TET3: variants seen among roughly 807,000 people sequenced by gnomAD.
TET3 encodes methylcytosine dioxygenase TET3.
TET3 carries 19 observed loss-of-function variants against 141.4 expected under a neutral mutation model. The ratio of observed to expected loss-of-function variants is 0.13; its 90% CI spans 0.09 to 0.20. The LOEUF (loss-of-function observed/expected upper bound fraction) is 0.20. Ranked by LOEUF, TET3 falls within the 10% of genes least tolerant of loss-of-function variation. TET3 has a pLI of 1.00. For missense variants in TET3, 1,874 were observed against 2,356.9 expected, an observed-to-expected ratio of 0.80 and a Z score of 4.24; for synonymous variants, 1,043 against 980.9, an observed-to-expected ratio of 1.06 and a Z score of -1.18.
At position 73,986,270 on chromosome 2, in the gene TET3, C is replaced by A; in HGVS notation, c.-134C>A. On this transcript the variant is annotated 5_prime_UTR_variant, in exon 2 of 12. In the 5' UTR this introduces an upstream ATG that the reference lacks. Coordinates refer to ENST00000409262, the MANE Select transcript of TET3 (RefSeq NM_001287491.2). ...TGAGAAGAGGCATCCATCCACGAGACTGAAGCCACTTGCCTTCACCCTTGT... is the reference window on the plus strand; with the variant it reads ...TGAGAAGAGGCATCCATCCACGAGAATGAAGCCACTTGCCTTCACCCTTGT... The A allele has an allele frequency of 1.3e-6, 1 of 762,906 alleles. No homozygotes were observed. Among genetic ancestry groups the A allele is most frequent in the Non-Finnish European group, 1.8e-6 (1 of 560,392 alleles). 47.3% of individuals were successfully genotyped at this position (762,906 alleles called of 1,614,324 possible).
At chr2:73,985,821 C>T (rs1032062899) in intron 1 of TET3, among the ~76,000 whole-genome samples, 159 bp from the exon 2 acceptor site, 3 of 151,850 alleles carry the variant, frequency 2.0e-5, no homozygotes, top group Non-Finnish European at 4.4e-5. Context: ...AGACAGGGAG[C>T]GGGTGCTGGG....
At chr2:74,079,426 A>G (rs556469761) in intron 5 of TET3, among the ~76,000 whole-genome samples, 1 of 152,352 alleles carries the variant, frequency 6.6e-6, no homozygotes, top group African/African-American at 2.4e-5. Context: ...ATAGAAGGGA[A>G]TAGGTGGCAA....
At chr2:74,004,031 G>T (rs934206565) in intron 3 of TET3, among the ~76,000 whole-genome samples, 1 of 152,152 alleles carries the variant, frequency 6.6e-6, no homozygotes, top group African/African-American at 2.4e-5. Context: ...TTACTCAGCA[G>T]TATCCTCTGC....
chr2:74,119,772 T>C, the TET3 span, among the ~76,000 whole-genome samples: 2 of 152,272 alleles, frequency 1.3e-5, no homozygotes, highest in Non-Finnish European at 2.9e-5. Flanking sequence ...ATTTCCAATT[T>C]TATAATTCCT....
intron 6 of TET3, 22 bp downstream of exon 6, chr2:74,080,613 G>A: frequency 3.1e-6 from 5 of 1,587,698 alleles, no homozygotes; most frequent in Non-Finnish European, 4.3e-6. Context: ...GCCCACTCAA[G>A]AGCCACAGCT....
intron 3 of TET3, among the ~76,000 whole-genome samples, chr2:74,009,159 G>A (rs1167022003): frequency 1.3e-5 from 2 of 152,182 alleles, no homozygotes; most frequent in African/African-American, 4.8e-5. Flanking sequence ...CTAAGCAGAT[G>A]GAATTTACAG....
intron 2 of TET3, among the ~76,000 whole-genome samples, chr2:73,992,074 A>G (rs893435527): frequency 6.6e-6 from 1 of 152,112 alleles, no homozygotes; most frequent in Non-Finnish European, 1.5e-5. Context: ...GGCTGGTGGA[A>G]AATGCTGATA....
Position 74,002,743 on chromosome 2 carries a change from C to T in TET3, c.304-367C>T, listed in dbSNP as rs1458939008. ...TCTGCAGTGCCTCCCTCCGTGCGCT[C>T]CCTCCGGCGGGGATAATGGGAGGCC... On this transcript the variant is annotated intron_variant, in intron 2 of 11. Transcript: ENST00000409262. The T allele has an allele frequency of 7.6e-6, 4 of 527,094 alleles. No homozygotes were observed. In the South Asian group the frequency reaches 1.1e-4, roughly 14 times the overall value. The allele number at this position is 527,094 out of a possible 1,614,324, so 32.7% of individuals were successfully genotyped here.
chr2:73,999,818 G>A (rs1558698051), intron 2 of TET3, among the ~76,000 whole-genome samples: 1 of 152,206 alleles, frequency 6.6e-6, no homozygotes, highest in South Asian at 2.1e-4. Context: ...GCTGGAGGCA[G>A]AGTGGCCCTG....
rs765519472 is a variant in TET3 at position 74,074,856 on chromosome 2, TTTTTGTTTGTTTGTTTG to T, written c.2585+1230_2585+1246del. On this transcript the variant is annotated intron_variant, in intron 5 of 11. Transcript: ENST00000409262. ...CATTTTTTAGAACAAGCATTAGTGT[TTTTTGTTTGTTTGTTTG>T]TTTTGTTTGTTTTTTTTTGAGACGG... Among the ~76,000 whole-genome samples, 74 of 150,226 alleles carry T rather than the reference TTTTTGTTTGTTTGTTTG, an allele frequency of 4.9e-4. 1 individual carries two copies. Among genetic ancestry groups the T allele is most frequent in the Non-Finnish European group, 9.9e-4 (67 of 67,738 alleles).
chr2:74,079,096 C>T (rs1689663871), intron 5 of TET3, among the ~76,000 whole-genome samples: 2 of 152,214 alleles, frequency 1.3e-5, no homozygotes, highest in African/African-American at 2.4e-5. Context: ...CACCTGTAAT[C>T]CCAGCACTTC....
the TET3 span, among the ~76,000 whole-genome samples, chr2:74,117,392 TA>T: frequency 3.1e-3 from 467 of 152,106 alleles, 4 homozygotes; most frequent in African/African-American, 0.01. Flanking sequence ...TATTATTTTT[TA>T]AAGACAAGGT....
rs1292439534 is a variant in TET3, at chr2:74,106,195, G to A, written c.*4019G>A. 6.6e-6 allele frequency: 1 copy of A among 151,578 alleles called. No homozygotes were observed. The highest frequency in any genetic ancestry group is 1.5e-5 in the Non-Finnish European group (1 of 67,976). The allele number at this position is 151,578 out of a possible 1,614,324, so 9.4% of individuals were successfully genotyped here. ...TGTTGTGTTGTATTGTTCTTCCCTT[G>A]GTGGCCAAACAAAGCAAGTCGAGAA... On this transcript the variant is annotated 3_prime_UTR_variant, in exon 12 of 12. Transcript: ENST00000409262.
At chr2:73,996,617 C>A (rs561757537) in intron 2 of TET3, among the ~76,000 whole-genome samples, 1 of 152,216 alleles carries the variant, frequency 6.6e-6, no homozygotes, top group Non-Finnish European at 1.5e-5. Flanking sequence ...GAGCGATTCT[C>A]GTGCCTTAGC....
At chr2:74,017,841 T>C (rs767031709) in intron 3 of TET3, among the ~76,000 whole-genome samples, 6 of 152,212 alleles carry the variant, frequency 3.9e-5, no homozygotes, top group Non-Finnish European at 8.8e-5. Context: ...GCTGTACTAA[T>C]TTACATTCCC....
intron 4 of TET3, 110 bp downstream of exon 4, chr2:74,048,521 C>A: frequency 1.7e-6 from 2 of 1,183,496 alleles, no homozygotes; most frequent in Non-Finnish European, 1.2e-6. Context: ...TGCCAACTGC[C>A]ACACTGGGTT....
intron 3 of TET3, among the ~76,000 whole-genome samples, chr2:74,036,743 CACGTAGAG>C (rs1174077019): frequency 1.3e-5 from 2 of 152,220 alleles, no homozygotes; most frequent in African/African-American, 4.8e-5. Context: ...CCATCAGAGT[CACGTAGAG>C]ACTTTTCCTG....
In TET3 at chr2:74,049,199, T is replaced by TG. The variant is rs542561275; in HGVS notation, c.2494+793dup. Among the ~76,000 whole-genome samples, 218 of 152,112 alleles carry TG rather than the reference T, an allele frequency of 1.4e-3. 1 individual carries two copies. The highest frequency in any genetic ancestry group is 5.1e-3 in the African/African-American group (210 of 41,486). ...GGATGAGACACTGCAGGTCTCTGCC[T>TG]GGGGGTGGTGGTGTTCACTGATAAC... On this transcript the variant is annotated intron_variant, in intron 4 of 11. Coordinates refer to ENST00000409262, the MANE Select transcript of TET3 (RefSeq NM_001287491.2).
intron 3 of TET3, among the ~76,000 whole-genome samples, chr2:74,008,296 C>T (rs1365505698): frequency 6.6e-6 from 1 of 152,182 alleles, no homozygotes; most frequent in Non-Finnish European, 1.5e-5. Flanking sequence ...AGGATGCCTC[C>T]TGCCTTCTCT....
Sources: allele counts gnomAD v4.1 joint callset (sites outside exome capture counted in the v4.1 genomes callset), GRCh38; gene constraint gnomAD v4.1.1; transcripts MANE v1.5; gene names NCBI Gene and HGNC (gene_info 2026-07-23, HGNC 2026-07-21).